The following FADS3 variants were observed in gnomAD, a reference collection of about 807,000 sequenced individuals.
The protein encoded by FADS3 is fatty acid desaturase 3.
In FADS3, 30 loss-of-function variants were observed where a neutral mutation model predicts 60.4. The ratio of observed to expected loss-of-function variants is 0.50; its 90% CI spans 0.37 to 0.67. The LOEUF (loss-of-function observed/expected upper bound fraction) is 0.67. Ranked by LOEUF, FADS3 falls within the 30% of genes least tolerant of loss-of-function variation. The pLI, the probability that FADS3 is intolerant of heterozygous loss-of-function variation, is 0.00. For synonymous variants in FADS3, 234 were observed against 249.3 expected, an observed-to-expected ratio of 0.94 and a Z score of 0.58; for missense variants, 432 against 598.3, an observed-to-expected ratio of 0.72 and a Z score of 2.90.
chr11:61,887,944 C>T (rs1257086614), intron 1 of FADS3, among the ~76,000 whole-genome samples: 4 of 152,196 alleles, frequency 2.6e-5, no homozygotes, highest in East Asian at 1.9e-4. Flanking sequence ...ATAAATGGTA[C>T]GTGCCTCATA....
intron 11 of FADS3, 38 bp downstream of exon 11, chr11:61,875,813 G>A: frequency 6.2e-7 from 1 of 1,601,296 alleles, no homozygotes; most frequent in South Asian, 1.1e-5. Context: ...AGGCCCTGGG[G>A]AAGCCACCAG....
intron 1 of FADS3, among the ~76,000 whole-genome samples, chr11:61,888,757 G>C (rs1938395649): frequency 6.9e-6 from 1 of 145,802 alleles, no homozygotes. Flanking sequence ...CCTGCCCTCA[G>C]CCAGCTCACT....
intron 1 of FADS3, among the ~76,000 whole-genome samples, chr11:61,883,654 C>T (rs75174116): frequency 2.8e-3 from 425 of 152,338 alleles, no homozygotes; most frequent in African/African-American, 9.8e-3. Flanking sequence ...TCCTCCCTCC[C>T]AGCCCTTCCC....
intron 1 of FADS3, among the ~76,000 whole-genome samples, chr11:61,884,553 T>G (rs1938244158): frequency 6.6e-6 from 1 of 152,148 alleles, no homozygotes; most frequent in Non-Finnish European, 1.5e-5. Context: ...CTAGGTGGTG[T>G]GCGGGGGTCC....
chr11:61,877,045 C>T lies in FADS3; in HGVS notation c.886-82G>A, dbSNP rs1937922147. ...GGCCTGGTGGGTGGGAGGAGGACCT[C>T]AGGCATCCAACCCTTCTGCCTGATT... On this transcript the variant is annotated intron_variant, in intron 7 of 11. Transcript: ENST00000278829. The surrounding 1 kb of genome is among the most constrained non-coding windows in gnomAD (Gnocchi z 4.7). 1 of 963,174 alleles carries T rather than the reference C, an allele frequency of 1.0e-6. No homozygotes were observed. Among genetic ancestry groups the T allele is most frequent in the Admixed American group, 2.6e-5 (1 of 37,814 alleles). The allele number at this position is 963,174 out of a possible 1,614,324, so 59.7% of individuals were successfully genotyped here.
In FADS3 at chr11:61,891,392, C is replaced by T. The variant is rs1346518648; in HGVS notation, c.-11G>A. On this transcript the variant is annotated 5_prime_UTR_variant, in exon 1 of 12. It adds an upstream start codon to the 5' untranslated region. Coordinates refer to ENST00000278829, the MANE Select transcript of FADS3 (RefSeq NM_021727.5). ...CCCGACGCCGCCCATGCTGCACGCACGAGTCCTGGGGATCCCAGGCGGTGG... is the reference window on the plus strand; with the variant it reads ...CCCGACGCCGCCCATGCTGCACGCATGAGTCCTGGGGATCCCAGGCGGTGG... 1 of 1,444,690 alleles carries T rather than the reference C, an allele frequency of 6.9e-7. No individual in the cohort carries two copies. The highest frequency in any genetic ancestry group is 9.1e-7 in the Non-Finnish European group (1 of 1,103,312). The allele number at this position is 1,444,690 out of a possible 1,614,324, so 89.5% of individuals were successfully genotyped here.
At chr11:61,875,498 G>C (rs1937840728) in intron 11 of FADS3, among the ~76,000 whole-genome samples, 2 of 150,888 alleles carry the variant, frequency 1.3e-5, no homozygotes, top group African/African-American at 2.4e-5. Context: ...CTCCCCAAGT[G>C]CTGGAATTAC....
At chr11:61,885,172 C>T (rs1183206775) in intron 1 of FADS3, among the ~76,000 whole-genome samples, 1 of 152,168 alleles carries the variant, frequency 6.6e-6, no homozygotes, top group African/African-American at 2.4e-5. Context: ...CCTAGAGTGG[C>T]TCAGTTGGCC....
chr11:61,888,918 G>A (rs934741222), intron 1 of FADS3, among the ~76,000 whole-genome samples: 5 of 152,170 alleles, frequency 3.3e-5, no homozygotes, highest in South Asian at 2.1e-4. Flanking sequence ...TGTTTGAGAC[G>A]GAGTTTTGCT....
In FADS3 at chr11:61,880,046, G is replaced by A. The variant is rs1488579786; in HGVS notation, c.319C>T (p.Leu107=). The change falls in exon 2 of 12, where the codon CTG becomes TTG. Residue 107 remains leucine (L), a synonymous_variant. Coordinates refer to ENST00000278829, the MANE Select transcript of FADS3 (RefSeq NM_021727.5). ...CTCCTAGGGCTCTGGCTCACATTCA[G>A]GGGTCCATCCTGGCTGGGTTCTTCC... ...APEEPSQDGP[L]NAQLVEDFRA... 1 of 1,612,998 alleles carries A rather than the reference G, an allele frequency of 6.2e-7. No homozygotes were observed. The highest frequency in any genetic ancestry group is 2.2e-5 in the East Asian group (1 of 44,864).
At chr11:61,881,098 G>A (rs984573553) in intron 1 of FADS3, 1 of 152,224 alleles carries the variant, frequency 6.6e-6, no homozygotes, top group African/African-American at 2.4e-5. Context: ...GATTGCTTGA[G>A]GCCAGGAGTT....
chr11:61,883,982 T>A (rs547539040), intron 1 of FADS3, among the ~76,000 whole-genome samples: 3 of 152,174 alleles, frequency 2.0e-5, no homozygotes, highest in Admixed American at 1.3e-4. Context: ...CAGAGCTGGG[T>A]GGGCACCCTG....
Position 61,877,590 on chromosome 11 carries a change from G to A in FADS3, c.809-3C>T. On this transcript the variant is annotated splice_polypyrimidine_tract_variant and splice_region_variant and intron_variant, in intron 6 of 11. Transcript: ENST00000278829. The surrounding 1 kb of genome is among the most constrained non-coding windows in gnomAD (Gnocchi z 4.7). ...CAGGGTGAGCAGCGGCGGGCCGACT[G>A]CAAGAAGGGGCATGAGAGTGTTCAG... The A allele has an allele frequency of 6.2e-7, 1 of 1,613,318 alleles. No individual in the cohort carries two copies. Among genetic ancestry groups the A allele is most frequent in the African/African-American group, 1.3e-5 (1 of 75,062 alleles).
At chr11:61,886,073 G>A (rs551628126) in intron 1 of FADS3, among the ~76,000 whole-genome samples, 1 of 152,086 alleles carries the variant, frequency 6.6e-6, no homozygotes, top group Non-Finnish European at 1.5e-5. Flanking sequence ...AGCCCAAGTC[G>A]AAGGCAGACA....
chr11:61,877,027 T>C lies in FADS3; in HGVS notation c.886-64A>G. The C allele has an allele frequency of 1.6e-6, 2 of 1,235,066 alleles. No individual in the cohort carries two copies. The highest frequency in any genetic ancestry group is 2.2e-6 in the Non-Finnish European group (2 of 889,882). 76.5% of individuals were successfully genotyped at this position (1,235,066 alleles called of 1,614,324 possible). On this transcript the variant is annotated intron_variant, in intron 7 of 11. Transcript: ENST00000278829. This position sits in a 1 kb window ranked among gnomAD's most constrained non-coding sequence, Gnocchi z 4.7. ...GGTGCCCGGAGGTCTGGAGGCCTGG[T>C]GGGTGGGAGGAGGACCTCAGGCATC...
intron 1 of FADS3, chr11:61,882,098 GTTTTTTTTTTTTT>G (rs10585384): frequency 1.4e-3 from 52 of 37,990 alleles, no homozygotes; most frequent in African/African-American, 4.2e-3. Context: ...CCCACTGGGT[GTTTTTTTTTTTTT>G]TTTTTTTTTT....
chr11:61,874,084 G>A (rs1020075680), intron 11 of FADS3, among the ~76,000 whole-genome samples: 1 of 152,228 alleles, frequency 6.6e-6, no homozygotes, highest in African/African-American at 2.4e-5. Context: ...CGGGTGTCGG[G>A]TAGGGGAGCT....
chr11:61,885,213 C>T (rs1398501244), intron 1 of FADS3, among the ~76,000 whole-genome samples: 1 of 152,174 alleles, frequency 6.6e-6, no homozygotes, highest in Non-Finnish European at 1.5e-5. Context: ...CAAGCCCCAC[C>T]GTGAATCCCA....
rs550541050 is a variant in FADS3 at position 61,879,529 on chromosome 11, G to A, written c.325-20C>T. 2.0e-5 allele frequency: 31 copies of A among 1,576,538 alleles called. No individual in the cohort carries two copies. In the South Asian group the frequency reaches 3.0e-4, roughly 15 times the overall value. On this transcript the variant is annotated intron_variant, in intron 2 of 11. Coordinates refer to ENST00000278829, the MANE Select transcript of FADS3 (RefSeq NM_021727.5). ...CTGCGCCTGCCATAGCAGAGGGGCC[G>A]ATCAGCCAAGGAAGAAATTCCTCCC...
Sources: allele counts gnomAD v4.1 joint callset (sites outside exome capture counted in the v4.1 genomes callset), GRCh38; gene constraint gnomAD v4.1.1; non-coding constraint Gnocchi (gnomAD v3.1); transcripts MANE v1.5; gene names NCBI Gene and HGNC (gene_info 2026-07-23, HGNC 2026-07-21).